The following FMN1 variants were observed in gnomAD, a reference collection of about 807,000 sequenced individuals.
The protein encoded by FMN1 is formin 1.
In FMN1, 110 loss-of-function variants were observed where a neutral mutation model predicts 132.4. The ratio of observed to expected loss-of-function variants is 0.83; its 90% confidence interval spans 0.71 to 0.97. FMN1 has a LOEUF of 0.97. Ranked by LOEUF, FMN1 falls within the 50% of genes least tolerant of loss-of-function variation. FMN1 has a pLI of 0.00. For missense variants in FMN1, 1,792 were observed against 1,705.3 expected (o/e 1.05, Z -0.90); for synonymous variants, 722 against 651.7 (o/e 1.11, Z -1.64).
chr15:32,853,725 A>C (rs1385925350), intron 17 of FMN1, among the ~76,000 whole-genome samples: 2 of 152,146 alleles, frequency 1.3e-5, no homozygotes, highest in Non-Finnish European at 2.9e-5. Context: ...CAAACCCTAA[A>C]CCATACATTT....
chr15:32,914,167 T>C (rs1485780586), intron 10 of FMN1, among the ~76,000 whole-genome samples: 1 of 152,218 alleles, frequency 6.6e-6, no homozygotes, highest in African/African-American at 2.4e-5. Context: ...GGAAAATATC[T>C]TTCCTTATTC....
chr15:32,999,799 T>C (rs1441614390), intron 7 of FMN1, among the ~76,000 whole-genome samples: 2 of 152,196 alleles, frequency 1.3e-5, no homozygotes, highest in African/African-American at 2.4e-5. Context: ...GCTTAAGGTG[T>C]TGGTCAAAAA....
chr15:32,905,073 A>T (rs183180193), intron 12 of FMN1, among the ~76,000 whole-genome samples: 124 of 152,320 alleles, frequency 8.1e-4, no homozygotes, highest in African/African-American at 2.8e-3. Flanking sequence ...GCCACAAATG[A>T]GGGATCCTTC....
rs16958630 is a variant in FMN1, at chr15:32,770,933, T to C, written c.*3377A>G. On this transcript the variant is annotated 3_prime_UTR_variant, in exon 21 of 21. Transcript: ENST00000616417. ...ACTGTTGGGCAGTAGGACCATCACCTATGACCTCTGGGCCCCCACCGTCAT... is the reference window on the plus strand; with the variant it reads ...ACTGTTGGGCAGTAGGACCATCACCCATGACCTCTGGGCCCCCACCGTCAT... The C allele has an allele frequency of 0.13, 20,422 of 151,654 alleles. 1,427 individuals are homozygous for C. The highest frequency in any genetic ancestry group is 0.18 in the Middle Eastern group (53 of 292). The allele number at this position is 151,654 out of a possible 1,614,324, so 9.4% of individuals were successfully genotyped here. A position where few individuals can be genotyped will look rare whatever the true frequency, so the allele number is the denominator to read the frequency against.
At chr15:32,843,019 TG>T (rs1309345132) in intron 17 of FMN1, among the ~76,000 whole-genome samples, 1 of 151,606 alleles carries the variant, frequency 6.6e-6, no homozygotes, top group Non-Finnish European at 1.5e-5. Flanking sequence ...CCCAGCTACT[TG>T]GGAGGCTGAG....
chr15:33,105,301 C>CAAGAA (rs1281713425), intron 4 of FMN1, among the ~76,000 whole-genome samples: 1 of 151,644 alleles, frequency 6.6e-6, no homozygotes, highest in Non-Finnish European at 1.5e-5. Flanking sequence ...ATCCTCCTGT[C>CAAGAA]AAGAAAAAAA....
chr15:33,033,014 C>T (rs1178949902), intron 6 of FMN1, among the ~76,000 whole-genome samples: 1 of 152,044 alleles, frequency 6.6e-6, no homozygotes, highest in Non-Finnish European at 1.5e-5. Context: ...TGCTGTTTTA[C>T]TATTACTGTT....
Position 32,790,513 on chromosome 15 carries a change from C to A in FMN1, c.4130+8291G>T, listed in dbSNP as rs550183322. Among the ~76,000 whole-genome samples, 5 of 152,296 alleles carry A rather than the reference C, an allele frequency of 3.3e-5. No individual in the cohort carries two copies. In the East Asian group the frequency reaches 9.7e-4, roughly 29 times the overall value. Reference sequence around the variant, plus strand: ...GGGGAGTTTCTAAAACCACAGATTTCTAGACTCTACACTCTGGTATTCTGA... The same window carrying A: ...GGGGAGTTTCTAAAACCACAGATTTATAGACTCTACACTCTGGTATTCTGA... On this transcript the variant is annotated intron_variant, in intron 19 of 20. Coordinates refer to ENST00000616417, the MANE Select transcript of FMN1 (RefSeq NM_001277313.2).
chr15:33,086,740 T>C (rs544972844), intron 5 of FMN1, among the ~76,000 whole-genome samples: 1 of 152,246 alleles, frequency 6.6e-6, no homozygotes, highest in Non-Finnish European at 1.5e-5. Flanking sequence ...CACAACTTTA[T>C]ATATGGGAAC....
At chr15:33,176,609 T>C (rs1349578433) in intron 3 of FMN1, among the ~76,000 whole-genome samples, 1 of 151,840 alleles carries the variant, frequency 6.6e-6, no homozygotes, top group African/African-American at 2.4e-5. Flanking sequence ...TAAGCACCTC[T>C]AACCAGCCTC....
intron 19 of FMN1, among the ~76,000 whole-genome samples, chr15:32,792,866 C>T (rs1041489809): frequency 6.6e-6 from 1 of 152,158 alleles, no homozygotes; most frequent in African/African-American, 2.4e-5. Flanking sequence ...ACGGCAACCA[C>T]AAAAGAGAAG....
In FMN1 at chr15:33,153,539, C is replaced by G; in HGVS notation, c.1376G>C (p.Arg459Thr). 2 of 1,536,298 alleles carry G rather than the reference C, an allele frequency of 1.3e-6. No homozygotes were observed. The highest frequency in any genetic ancestry group is 1.7e-6 in the Non-Finnish European group (2 of 1,146,956). ...HTRPETRNKR[R>T]AGLPLGGHKS... The stretch of plus-strand genomic sequence containing the variant: ...GTGGCCACCAAGGGGCAACCCGGCT[C>G]TCCTCTTGTTTCTCGTTTCTGGGCG... Residue 459 changes from arginine to threonine, a missense_variant, in exon 4 of 21, where the codon AGA (arginine) becomes ACA (threonine). By Grantham distance (71) the Arg-to-Thr change is moderately conservative. Around this residue, in one of 3 missense-constraint regions of FMN1, gnomAD observed 638 missense variants for 645.2 expected, o/e 0.99. Transcript: ENST00000616417.
intron 6 of FMN1, among the ~76,000 whole-genome samples, chr15:33,017,481 T>A (rs35558055): frequency 0.13 from 20,411 of 152,098 alleles, 1,586 homozygotes; most frequent in Middle Eastern, 0.24. Context: ...ATAGTTGATT[T>A]TTTTTTTCAA....
At chr15:32,839,133 C>G (rs1253608250) in intron 17 of FMN1, among the ~76,000 whole-genome samples, 1 of 152,126 alleles carries the variant, frequency 6.6e-6, no homozygotes, top group African/African-American at 2.4e-5. Context: ...GCCCCCAGAT[C>G]AAAGCCAAGG....
chr15:32,866,411 A>G (rs554430312), intron 16 of FMN1, among the ~76,000 whole-genome samples: 1 of 152,286 alleles, frequency 6.6e-6, no homozygotes, highest in South Asian at 2.1e-4. Flanking sequence ...AGCATTTTGT[A>G]TGCTGAATAG....
rs118165779 is a variant in FMN1 at position 32,922,490 on chromosome 15, G to A, written c.3226+3684C>T. On this transcript the variant is annotated intron_variant, in intron 10 of 20. Transcript: ENST00000616417. ...CCCTGCTCCTTGTTACCTGTCAGAT[G>A]TTAAGGTATAGAGAAGCAAAACTCT... 1.2e-3 allele frequency among the ~76,000 whole-genome samples: 178 copies of A among 152,326 alleles called. 2 individuals carry two copies. The East Asian group carries it at 0.015, about 13-fold the overall frequency.
At chr15:33,101,474 T>C (rs141887259) in intron 4 of FMN1, among the ~76,000 whole-genome samples, 135 of 150,650 alleles carry the variant, frequency 9.0e-4, no homozygotes, top group African/African-American at 3.1e-3. Flanking sequence ...AAAAAAAAAA[T>C]CACAAAAAAT....
chr15:32,791,700 TAAAG>T (rs1389144602), intron 19 of FMN1, among the ~76,000 whole-genome samples: 2 of 152,246 alleles, frequency 1.3e-5, no homozygotes, highest in East Asian at 1.9e-4. Context: ...GGCAAAACTA[TAAAG>T]AGTCAGAAAT....
At chr15:32,806,530 C>T (rs1178837922) in intron 17 of FMN1, among the ~76,000 whole-genome samples, 1 of 152,224 alleles carries the variant, frequency 6.6e-6, no homozygotes, top group Non-Finnish European at 1.5e-5. Context: ...TGCTCAAAAC[C>T]TTCCAATGGC....
Sources: gnomAD v4.1 joint callset for allele counts (sites outside exome capture counted in the v4.1 genomes callset) on GRCh38, gnomAD v4.1.1 for gene constraint, gnomAD v4.1.1 regional missense constraint, MANE v1.5 for transcripts, NCBI Gene and HGNC (gene_info 2026-07-23, HGNC 2026-07-21) for gene names.